The following HMGCLL1 variants were observed in gnomAD, a reference collection of about 807,000 sequenced individuals.
HMGCLL1 encodes the protein 3-hydroxy-3-methylglutaryl-CoA lyase like 1.
In HMGCLL1, 36 loss-of-function variants were observed where a neutral mutation model predicts 39.1. The observed-to-expected ratio is 0.92, with a 90% CI of 0.71 to 1.22. The LOEUF (loss-of-function observed/expected upper bound fraction) is 1.22. HMGCLL1 is among the 50% of genes most tolerant of loss of function. HMGCLL1 has a pLI of 0.00. For missense variants in HMGCLL1, 451 were observed against 416.5 expected (o/e 1.08, Z -0.72); for synonymous variants, 149 against 144.0 (o/e 1.03, Z -0.25).
the HMGCLL1 span, among the ~76,000 whole-genome samples, chr6:55,639,794 G>A: frequency 6.6e-6 from 1 of 152,054 alleles, no homozygotes; most frequent in African/African-American, 2.4e-5. Context: ...AAAGAGAAAC[G>A]TGGGCCAGGC....
At chr6:55,501,957 C>A (rs756596696) in intron 5 of HMGCLL1, among the ~76,000 whole-genome samples, 6 of 151,904 alleles carry the variant, frequency 3.9e-5, no homozygotes, top group East Asian at 3.9e-4. Flanking sequence ...TTACCCAGAC[C>A]CGTTCCAAAT....
At chr6:55,583,660 G>A (rs1406836603), upstream of HMGCLL1, among the ~76,000 whole-genome samples, 1 of 152,022 alleles carries the variant, frequency 6.6e-6, no homozygotes, top group African/African-American at 2.4e-5. Flanking sequence ...AAACATACGT[G>A]TTCATGTGTC....
intron 5 of HMGCLL1, among the ~76,000 whole-genome samples, chr6:55,506,913 G>A (rs903068148): frequency 1.3e-5 from 2 of 151,754 alleles, no homozygotes; most frequent in African/African-American, 4.8e-5. Flanking sequence ...CAATAGAATT[G>A]TGAAGGAAAA....
intron 3 of HMGCLL1, among the ~76,000 whole-genome samples, chr6:55,518,112 T>C (rs1256512900): frequency 1.3e-5 from 2 of 152,168 alleles, no homozygotes; most frequent in East Asian, 1.9e-4. Context: ...GCCCCTACTA[T>C]GTCCAAAGCT....
intron 7 of HMGCLL1, among the ~76,000 whole-genome samples, chr6:55,477,929 A>T (rs780937420): frequency 9.9e-5 from 15 of 151,074 alleles, no homozygotes; most frequent in Non-Finnish European, 2.2e-4. Flanking sequence ...GTAAAAATCA[A>T]ACAGAGTCGA....
At chr6:55,564,403 T>G (rs534644935) in intron 1 of HMGCLL1, among the ~76,000 whole-genome samples, 1 of 152,102 alleles carries the variant, frequency 6.6e-6, no homozygotes, top group Admixed American at 6.6e-5. Flanking sequence ...TTCCTTTTTT[T>G]ATTATACTTT....
intron 3 of HMGCLL1, among the ~76,000 whole-genome samples, chr6:55,536,567 GT>G (rs2127452647): frequency 6.6e-6 from 1 of 152,228 alleles, no homozygotes; most frequent in African/African-American, 2.4e-5. Context: ...TTATAAACAT[GT>G]TTTCTTTCTG....
chr6:55,607,788 A>G, the HMGCLL1 span, among the ~76,000 whole-genome samples: 3 of 151,652 alleles, frequency 2.0e-5, no homozygotes, highest in Non-Finnish European at 4.4e-5. Flanking sequence ...ACTCCTCCTC[A>G]AAAATCTACT....
At chr6:55,603,413 T>C in the HMGCLL1 span, among the ~76,000 whole-genome samples, 8 of 151,930 alleles carry the variant, frequency 5.3e-5, no homozygotes, top group Non-Finnish European at 5.9e-5. Context: ...TAGGGAGGTA[T>C]TTGTGAGCAC....
At chr6:55,637,738 G>GTA in the HMGCLL1 span, among the ~76,000 whole-genome samples, 1 of 143,326 alleles carries the variant, frequency 7.0e-6, no homozygotes, top group Non-Finnish European at 1.5e-5. Context: ...GTGTGTGTGT[G>GTA]TATGTGTCTG....
the HMGCLL1 span, among the ~76,000 whole-genome samples, chr6:55,676,593 G>A: frequency 6.6e-6 from 1 of 152,108 alleles, no homozygotes; most frequent in African/African-American, 2.4e-5. Flanking sequence ...ACTTAATAAT[G>A]GCAGTGGAGG....
At chr6:55,469,466 T>A (rs1277716553) in intron 7 of HMGCLL1, among the ~76,000 whole-genome samples, 1 of 135,980 alleles carries the variant, frequency 7.4e-6, no homozygotes, top group Non-Finnish European at 1.5e-5. Flanking sequence ...TATGTGTATA[T>A]ATGTGTGTGT....
At chr6:55,655,542 A>AGATAGATAGATAGAT in the HMGCLL1 span, among the ~76,000 whole-genome samples, 2 of 150,880 alleles carry the variant, frequency 1.3e-5, no homozygotes, top group Admixed American at 1.3e-4. Context: ...ATTGGTAGAT[A>AGATAGATAGATAGAT]GATAGATAGA....
chr6:55,528,474 G>A (rs1355196189), intron 3 of HMGCLL1, among the ~76,000 whole-genome samples: 1 of 151,958 alleles, frequency 6.6e-6, no homozygotes, highest in Non-Finnish European at 1.5e-5. Flanking sequence ...ACTGTAGCCT[G>A]GGTACAGTAA....
At chr6:55,605,944 C>T in the HMGCLL1 span, among the ~76,000 whole-genome samples, 1 of 152,116 alleles carries the variant, frequency 6.6e-6, no homozygotes, top group Non-Finnish European at 1.5e-5. Flanking sequence ...CAATGCAGTA[C>T]AATTTTTCTT....
chr6:55,673,376 T>C, the HMGCLL1 span, among the ~76,000 whole-genome samples: 1 of 151,960 alleles, frequency 6.6e-6, no homozygotes, highest in Admixed American at 6.6e-5. Context: ...TATATGGTGA[T>C]CATGCTCTCC....
intron 5 of HMGCLL1, among the ~76,000 whole-genome samples, chr6:55,508,708 A>C (rs1767289453): frequency 1.3e-5 from 2 of 151,882 alleles, no homozygotes; most frequent in Admixed American, 6.6e-5. Flanking sequence ...AAGAAAAAGC[A>C]TGTTAAAAAT....
chr6:55,581,347 G>A (rs1203908289), upstream of HMGCLL1, among the ~76,000 whole-genome samples: 1 of 151,846 alleles, frequency 6.6e-6, no homozygotes, highest in Non-Finnish European at 1.5e-5. Context: ...ATATCATATG[G>A]AAAATGCTAT....
chr6:55,454,167 G>GGAGTTACTAATTTACT (rs1479825298), intron 7 of HMGCLL1, among the ~76,000 whole-genome samples: 1 of 151,946 alleles, frequency 6.6e-6, no homozygotes, highest in African/African-American at 2.4e-5. Context: ...TCAAATAATT[G>GGAGTTACTAATTTACT]GACTCCATTG....
Sources: allele counts gnomAD v4.1 joint callset (sites outside exome capture counted in the v4.1 genomes callset), GRCh38; gene constraint gnomAD v4.1.1; transcripts MANE v1.5; gene names NCBI Gene and HGNC (gene_info 2026-07-23, HGNC 2026-07-21).